The following EIF2B3 variants were observed in gnomAD, a reference collection of about 807,000 sequenced individuals.
EIF2B3 encodes eukaryotic translation initiation factor 2B subunit gamma.
In EIF2B3, 20 loss-of-function variants were observed where a neutral mutation model predicts 54.1. That is an observed-to-expected ratio of 0.37 (90% CI 0.26 to 0.54). The LOEUF is 0.54. Ranked by LOEUF, EIF2B3 falls within the 20% of genes least tolerant of loss-of-function variation. The pLI is 0.86. For missense variants in EIF2B3, 448 were observed against 547.8 expected (o/e 0.82, Z 1.82); for synonymous variants, 153 against 188.1 (o/e 0.81, Z 1.52).
At chr1:44,905,394 C>A (rs1643393339) in intron 5 of EIF2B3, among the ~76,000 whole-genome samples, 1 of 152,120 alleles carries the variant, frequency 6.6e-6, no homozygotes, top group Admixed American at 6.6e-5. Flanking sequence ...TCCAGCTTTC[C>A]TTTCTGACTG....
chr1:44,907,566 CAAA>C (rs1345331095), intron 5 of EIF2B3, among the ~76,000 whole-genome samples: 2 of 150,130 alleles, frequency 1.3e-5, no homozygotes, highest in Non-Finnish European at 3.0e-5. Context: ...CAAAAACAAA[CAAA>C]AAATGCTTTG....
At chr1:44,874,571 G>T in intron 10 of EIF2B3, 107 bp downstream of exon 10, 1 of 1,239,696 alleles carries the variant, frequency 8.1e-7, no homozygotes, top group Non-Finnish European at 1.1e-6. Flanking sequence ...CTCTTGATTA[G>T]CACTTTGCCT....
intron 6 of EIF2B3, among the ~76,000 whole-genome samples, chr1:44,883,058 A>G (rs1655462469): frequency 6.7e-6 from 1 of 148,908 alleles, no homozygotes; most frequent in African/African-American, 2.5e-5. Context: ...CCACCCAAGT[A>G]GCTGGGATTA....
chr1:44,985,086 G>A (rs529567132), intron 1 of EIF2B3, among the ~76,000 whole-genome samples: 182 of 151,730 alleles, frequency 1.2e-3, no homozygotes, highest in African/African-American at 4.2e-3. Flanking sequence ...GATTACAGGC[G>A]TGAGCCACCG....
At chr1:44,920,423 T>C (rs762929209) in intron 5 of EIF2B3, among the ~76,000 whole-genome samples, 10 of 152,176 alleles carry the variant, frequency 6.6e-5, no homozygotes, top group Non-Finnish European at 1.3e-4. Context: ...AAATGTACAA[T>C]TAAATTATTT....
chr1:44,900,194 C>T (rs1160834733), intron 5 of EIF2B3, among the ~76,000 whole-genome samples: 1 of 152,138 alleles, frequency 6.6e-6, no homozygotes, highest in Non-Finnish European at 1.5e-5. Context: ...CACCTGTAAT[C>T]CCAGCACTTT....
chr1:44,854,589 C>T (rs1345078476), intron 11 of EIF2B3, among the ~76,000 whole-genome samples: 40 of 136,742 alleles, frequency 2.9e-4, no homozygotes, highest in African/African-American at 1.0e-3. Flanking sequence ...TGCATTATGT[C>T]TTTTTTTTTT....
At chr1:44,945,738 A>G (rs938991049) in intron 3 of EIF2B3, among the ~76,000 whole-genome samples, 1 of 152,204 alleles carries the variant, frequency 6.6e-6, no homozygotes, top group African/African-American at 2.4e-5. Context: ...AATCATTACT[A>G]AAGACATTCA....
chr1:44,902,910 G>A (rs986110436), intron 5 of EIF2B3, among the ~76,000 whole-genome samples: 3 of 147,062 alleles, frequency 2.0e-5, no homozygotes, highest in South Asian at 2.2e-4. Context: ...TTTAAATTTC[G>A]AGTAGTTCAA....
At chr1:44,964,657 C>T in intron 3 of EIF2B3, among the ~76,000 whole-genome samples, 1 of 152,216 alleles carries the variant, frequency 6.6e-6, no homozygotes, top group East Asian at 1.9e-4. Flanking sequence ...ACTTAAGGAA[C>T]TATACCTCTA....
At chr1:44,862,142 C>A (rs945478083) in intron 10 of EIF2B3, among the ~76,000 whole-genome samples, 4 of 152,170 alleles carry the variant, frequency 2.6e-5, no homozygotes, top group African/African-American at 9.6e-5. Flanking sequence ...TTCCTATAGT[C>A]CAACAAAAGA....
intron 3 of EIF2B3, among the ~76,000 whole-genome samples, chr1:44,977,550 C>T (rs1644465007): frequency 6.6e-6 from 1 of 151,804 alleles, no homozygotes; most frequent in Non-Finnish European, 1.5e-5. Flanking sequence ...CTGCAACCTC[C>T]ACCTCCTGGG....
rs1553169362 is a variant in EIF2B3 at position 44,877,192 on chromosome 1, T to TTAAAAAAAAAAA, written c.976-1498_976-1497insTTTTTTTTTTTA. 2.7e-4 allele frequency among the ~76,000 whole-genome samples: 14 copies of TTAAAAAAAAAAA among 52,076 alleles called. 1 individual carries two copies. The highest frequency in any genetic ancestry group is 2.8e-4 in the Non-Finnish European group (8 of 28,202). 34.2% of individuals were successfully genotyped at this position (52,076 alleles called of 152,430 possible). A position where few individuals can be genotyped will look rare whatever the true frequency, so the allele number is the denominator to read the frequency against. ...GCGAGAAACACCCAAGAATGATCAA[T>TTAAAAAAAAAAA]AAAAAAAAAAAAAAAAAAAAAAAAA... On this transcript the variant is annotated intron_variant, in intron 8 of 11. Coordinates refer to ENST00000360403, the MANE Select transcript of EIF2B3 (RefSeq NM_020365.5).
At chr1:44,959,649 C>T (rs1644264251) in intron 3 of EIF2B3, among the ~76,000 whole-genome samples, 2 of 152,326 alleles carry the variant, frequency 1.3e-5, no homozygotes, top group Middle Eastern at 3.4e-3. Context: ...CCCAGCCTCC[C>T]TGTGCTTTTA....
In EIF2B3 at chr1:44,857,754, G is replaced by A; in HGVS notation, c.1256C>T (p.Ala419Val). 6.2e-7 allele frequency: 1 copy of A among 1,614,086 alleles called. No individual in the cohort carries two copies. The highest frequency in any genetic ancestry group is 8.5e-7 in the Non-Finnish European group (1 of 1,179,982). Residue 419 changes from alanine to valine, a missense_variant, in exon 11 of 12, where the codon GCA becomes GTA. Ala to Val is a moderately conservative substitution (Grantham distance 64). Around this residue, in one of 3 missense-constraint regions of EIF2B3, gnomAD observed 350 missense variants for 414.2 expected, o/e 0.85. Transcript: ENST00000360403. ...TCCAATCAAGCAGTCCTTGATGTCT[G>A]CACCCTTCTCGATCACAGCATTGTT... ...ICNNAVIEKG[A>V]DIKDCLIGSG...
intron 6 of EIF2B3, 147 bp downstream of exon 6, chr1:44,897,208 C>A: frequency 1.5e-6 from 1 of 656,426 alleles, no homozygotes; most frequent in Non-Finnish European, 2.7e-6. Flanking sequence ...GACATAATTT[C>A]ATTTCTAAAA....
intron 10 of EIF2B3, chr1:44,863,195 TGTGTA>T (rs1348432696): frequency 6.6e-6 from 1 of 152,168 alleles, no homozygotes; most frequent in African/African-American, 2.4e-5. Context: ...ACTGAAGATA[TGTGTA>T]GCTTTTCTAG....
At chr1:44,852,386 T>C (rs1031842206) in intron 11 of EIF2B3, among the ~76,000 whole-genome samples, 1 of 152,142 alleles carries the variant, frequency 6.6e-6, no homozygotes, top group Non-Finnish European at 1.5e-5. Flanking sequence ...TGCGATGCCT[T>C]CCCTTTTGCA....
intron 4 of EIF2B3, among the ~76,000 whole-genome samples, chr1:44,934,711 G>A (rs912282490): frequency 6.6e-6 from 1 of 151,670 alleles, no homozygotes; most frequent in Non-Finnish European, 1.5e-5. Flanking sequence ...CACCATGTTG[G>A]CCAGACTGGT....
Sources: gnomAD v4.1 joint callset for allele counts (sites outside exome capture counted in the v4.1 genomes callset) on GRCh38, gnomAD v4.1.1 for gene constraint, gnomAD v4.1.1 regional missense constraint, MANE v1.5 for transcripts, NCBI Gene and HGNC (gene_info 2026-07-23, HGNC 2026-07-21) for gene names.